Variants in PCDHGB3 observed in about 807,000 individuals in gnomAD.
PCDHGB3 encodes protocadherin gamma-B3.
In PCDHGB3, 40 loss-of-function variants were observed where a neutral mutation model predicts 59.2. The observed-to-expected ratio is 0.68, with a 90% CI of 0.52 to 0.88. PCDHGB3 has a LOEUF of 0.88. PCDHGB3 is among the 40% of genes least tolerant of loss of function. PCDHGB3 has a pLI of 0.00. For missense variants in PCDHGB3, 1,309 were observed against 1,187.9 expected (o/e 1.10, Z -1.50); for synonymous variants, 581 against 503.6 (o/e 1.15, Z -2.06).
chr5:141,411,258 A>G (rs1415319110), intron 1 of PCDHGB3: 1 of 152,200 alleles, frequency 6.6e-6, no homozygotes, highest in African/African-American at 2.4e-5. Flanking sequence ...TATCTTATTT[A>G]TATATTTTTA....
At position 141,493,904 on chromosome 5, in the gene PCDHGB3, G is replaced by A. The variant is rs1204744465; in HGVS notation, c.2416-903G>A. Among the ~76,000 whole-genome samples, 1 of 152,216 alleles carries A rather than the reference G, an allele frequency of 6.6e-6. No individual in the cohort carries two copies. Among genetic ancestry groups the A allele is most frequent in the Non-Finnish European group, 1.5e-5 (1 of 68,028 alleles). On this transcript the variant is annotated intron_variant, in intron 1 of 3. Transcript: ENST00000576222. The surrounding 1 kb of genome is among the most constrained non-coding windows in gnomAD (Gnocchi z 4.3). ...GGCTCTAGGAGTGCTCCATGAGAGT[G>A]TGTGATGGGATAACACACCCCCTGG...
At chr5:141,394,306 G>T in intron 1 of PCDHGB3, 1 of 1,613,958 alleles carries the variant, frequency 6.2e-7, no homozygotes, top group Non-Finnish European at 8.5e-7. Context: ...ACGCTGCAGG[G>T]GGCGCCCCTG....
intron 1 of PCDHGB3, among the ~76,000 whole-genome samples, chr5:141,382,280 A>G (rs1218087661): frequency 6.6e-6 from 1 of 152,232 alleles, no homozygotes; most frequent in African/African-American, 2.4e-5. Context: ...TATGTGTTCA[A>G]TTAATACTGA....
rs749781059 is a variant in PCDHGB3 at position 141,477,983 on chromosome 5, C to G, written c.2416-16824C>G. On this transcript the variant is annotated intron_variant, in intron 1 of 3. Coordinates refer to ENST00000576222, the MANE Select transcript of PCDHGB3 (RefSeq NM_018924.5). This position sits in a 1 kb window ranked among gnomAD's most constrained non-coding sequence, Gnocchi z 4.9. ...TAACCAGAGCCTTTTTGCCATAGGG[C>G]TGCACACTGGTCAAATCAGTACTGC... The G allele has an allele frequency of 1.7e-5, 27 of 1,614,126 alleles. No homozygotes were observed. The highest frequency in any genetic ancestry group is 2.3e-5 in the Non-Finnish European group (27 of 1,180,024).
Position 141,370,645 on chromosome 5 carries a change from T to TA in PCDHGB3, c.252dup (p.Leu85ThrfsTer23). ...ACCGTGAGCCCCGAAAATGGGAACT[T>TA]ACTTGTGAGCGACCGTATAGACCGA... On this transcript the variant is annotated frameshift_variant, in exon 1 of 4. Transcript: ENST00000576222. LOFTEE classifies it high-confidence loss of function. 6.2e-7 allele frequency: 1 copy of TA among 1,613,922 alleles called. No homozygotes were observed. The highest frequency in any genetic ancestry group is 8.5e-7 in the Non-Finnish European group (1 of 1,179,892).
chr5:141,482,740 G>A (rs1288861437), intron 1 of PCDHGB3, among the ~76,000 whole-genome samples: 1 of 127,398 alleles, frequency 7.8e-6, no homozygotes, highest in African/African-American at 3.6e-5. Context: ...GAAATTCCAT[G>A]CAGAGGGATT....
chr5:141,482,736 C>T (rs897817817), intron 1 of PCDHGB3, among the ~76,000 whole-genome samples: 6 of 152,056 alleles, frequency 3.9e-5, no homozygotes, highest in African/African-American at 1.2e-4. Context: ...GCAAGAAATT[C>T]CATGCAGAGG....
chr5:141,388,056 G>A lies in PCDHGB3; in HGVS notation c.2415+15247G>A, dbSNP rs1192724751. 2.2e-6 allele frequency: 3 copies of A among 1,386,286 alleles called. No individual in the cohort carries two copies. In the Admixed American group the frequency reaches 6.2e-5, roughly 29 times the overall value. 85.9% of individuals were successfully genotyped at this position (1,386,286 alleles called of 1,614,324 possible). A position where few individuals can be genotyped will look rare whatever the true frequency, so the allele number is the denominator to read the frequency against. On this transcript the variant is annotated intron_variant, in intron 1 of 3. Coordinates refer to ENST00000576222, the MANE Select transcript of PCDHGB3 (RefSeq NM_018924.5). ...CCTCGCCACGGACCTGGGGTTCAGC[G>A]TCCAGGAGTTACCGACTCGAAAACT...
At chr5:141,378,957 A>T (rs1303880032) in intron 1 of PCDHGB3, 2 of 152,224 alleles carry the variant, frequency 1.3e-5, no homozygotes, top group Non-Finnish European at 2.9e-5. Context: ...AGTACAGGGG[A>T]TTCTCTAATT....
intron 1 of PCDHGB3, among the ~76,000 whole-genome samples, chr5:141,444,014 T>C (rs2098414038): frequency 6.6e-6 from 1 of 152,122 alleles, no homozygotes; most frequent in Admixed American, 6.6e-5. Flanking sequence ...GGGTATTGGC[T>C]TCTAAAAGGA....
chr5:141,402,843 G>C (rs1370040306), intron 1 of PCDHGB3: 5 of 1,399,114 alleles, frequency 3.6e-6, no homozygotes, highest in Non-Finnish European at 4.7e-6. Flanking sequence ...GCAAAACTCA[G>C]CCTCTTTCTT....
chr5:141,415,533 G>C lies in PCDHGB3; in HGVS notation c.2415+42724G>C, dbSNP rs749139053. On this transcript the variant is annotated intron_variant, in intron 1 of 3. Coordinates refer to ENST00000576222, the MANE Select transcript of PCDHGB3 (RefSeq NM_018924.5). ...ATTATGCGGACACGCTCATCAGCCA[G>C]GAGAGCTGTGAGAAAAACGATCCTT... is the stretch of plus-strand genomic sequence containing the variant. 1.4e-5 allele frequency: 22 copies of C among 1,614,080 alleles called. No individual in the cohort carries two copies. Among genetic ancestry groups the C allele is most frequent in the Non-Finnish European group, 1.9e-5 (22 of 1,180,042 alleles).
chr5:141,383,368 G>C, intron 1 of PCDHGB3: 1 of 1,614,014 alleles, frequency 6.2e-7, no homozygotes, highest in Middle Eastern at 1.6e-4. Context: ...GTTAAGCGAG[G>C]CTGGGGATCC....
At chr5:141,400,789 CTT>C in intron 1 of PCDHGB3, 1 of 561,962 alleles carries the variant, frequency 1.8e-6, no homozygotes, top group Non-Finnish European at 3.1e-6. Flanking sequence ...TTTTTGTCCT[CTT>C]TCTCAAAGCT....
chr5:141,439,390 C>T (rs528547728), intron 1 of PCDHGB3, among the ~76,000 whole-genome samples: 1 of 152,266 alleles, frequency 6.6e-6, no homozygotes, highest in South Asian at 2.1e-4. Flanking sequence ...GTCATCACTT[C>T]GACTTCATGT....
rs141556649 is a variant in PCDHGB3 at position 141,492,225 on chromosome 5, C to T, written c.2416-2582C>T. ...GTGTGCGCGCGGGGCTCATGCGTGT[C>T]CTCCCTGCTGGCCACCCCCACGGCC... On this transcript the variant is annotated intron_variant, in intron 1 of 3. Transcript: ENST00000576222. Among the ~76,000 whole-genome samples the T allele has an allele frequency of 2.4e-3, 361 of 152,274 alleles. No individual in the cohort carries two copies. In the Middle Eastern group the frequency reaches 0.024, roughly 10 times the overall value.
chr5:141,509,882 GTGAC>G (rs1186067105), intron 3 of PCDHGB3, among the ~76,000 whole-genome samples: 1 of 152,182 alleles, frequency 6.6e-6, no homozygotes, highest in Non-Finnish European at 1.5e-5. Context: ...GGTGGTGATG[GTGAC>G]TGACTGTCCC....
At chr5:141,505,348 G>A (rs1414647950) in intron 2 of PCDHGB3, 45 bp from the exon 3 acceptor site, 1 of 1,613,358 alleles carries the variant, frequency 6.2e-7, no homozygotes, top group Admixed American at 1.7e-5. Context: ...GGCATGAGCT[G>A]TGCCGGCCTG....
At chr5:141,414,305 A>G (rs2095732833) in intron 1 of PCDHGB3, 2 of 1,613,604 alleles carry the variant, frequency 1.2e-6, no homozygotes, top group African/African-American at 2.7e-5. Flanking sequence ...AATGTGCATG[A>G]TTTAGACTCT....
Sources: allele counts gnomAD v4.1 joint callset (sites outside exome capture counted in the v4.1 genomes callset), GRCh38; gene constraint gnomAD v4.1.1; non-coding constraint Gnocchi (gnomAD v3.1); transcripts MANE v1.5; gene names NCBI Gene and HGNC (gene_info 2026-07-23, HGNC 2026-07-21).